RIMS2: variants seen among roughly 807,000 people sequenced by gnomAD.
RIMS2 encodes regulating synaptic membrane exocytosis 2, also known as regulating synaptic membrane exocytosis protein 2.
RIMS2 carries 59 observed loss-of-function variants against 174.4 expected under a neutral mutation model. That is an observed-to-expected ratio of 0.34 (90% CI 0.27 to 0.42). The LOEUF is 0.42. Ranked by LOEUF, RIMS2 falls within the 10% of genes least tolerant of loss-of-function variation. The pLI, the probability that RIMS2 is intolerant of heterozygous loss-of-function variation, is 1.00. For missense variants in RIMS2, 1,620 were observed against 1,666.3 expected (o/e 0.97, Z 0.48); for synonymous variants, 606 against 572.5 (o/e 1.06, Z -0.84).
intron 1 of RIMS2, among the ~76,000 whole-genome samples, chr8:103,681,950 G>A (rs189893051): frequency 5.5e-4 from 84 of 152,112 alleles, no homozygotes; most frequent in African/African-American, 1.8e-3. Context: ...GCACATGTAG[G>A]ATGTAAAATT....
intron 1 of RIMS2, among the ~76,000 whole-genome samples, chr8:103,553,182 A>G (rs947281662): frequency 6.6e-6 from 1 of 152,148 alleles, no homozygotes; most frequent in African/African-American, 2.4e-5. Context: ...AATAGCAAAG[A>G]CTTGGAACCA....
At chr8:103,747,943 C>T (rs1047424210) in intron 2 of RIMS2, among the ~76,000 whole-genome samples, 1 of 152,074 alleles carries the variant, frequency 6.6e-6, no homozygotes, top group South Asian at 2.1e-4. Flanking sequence ...GTAAATCCTC[C>T]TTGGGTGGGC....
intron 2 of RIMS2, among the ~76,000 whole-genome samples, chr8:103,706,250 C>A (rs1240504027): frequency 1.3e-5 from 2 of 152,034 alleles, no homozygotes. Context: ...CACATTTTAT[C>A]TTTTAAATAT....
At position 104,223,809 on chromosome 8, in the gene RIMS2, C is replaced by A. The variant is rs749624729; in HGVS notation, c.3335-21107C>A. ...GAAGAAGGAGGTGAGACACCCCTTCCCCCGTAGTTGGTGTCTCTATCTGTT... is the reference window on the plus strand; with the variant it reads ...GAAGAAGGAGGTGAGACACCCCTTCACCCGTAGTTGGTGTCTCTATCTGTT... On this transcript the variant is annotated intron_variant, in intron 19 of 23. Coordinates refer to ENST00000504942, the Ensembl canonical transcript of RIMS2. 1.2e-5 allele frequency: 19 copies of A among 1,588,508 alleles called. No individual in the cohort carries two copies. In the African/African-American group the frequency reaches 1.6e-4, roughly 13 times the overall value.
At position 103,912,088 on chromosome 8, in the gene RIMS2, T is replaced by C. The variant is rs935492784; in HGVS notation, c.1728T>C (p.Asp576=). 1.6e-5 allele frequency: 25 copies of C among 1,603,580 alleles called. No homozygotes were observed. In the Middle Eastern group the frequency reaches 9.9e-4, roughly 64 times the overall value. Residue 576 remains aspartate, a synonymous_variant, in exon 6 of 24, where the codon GAT becomes GAC. Coordinates refer to ENST00000504942, the Ensembl canonical transcript of RIMS2. ...CCTGGCAACCATCTAAAGATGGAGATCGTTTAATTGGTCGCATTTTATTAA... is the reference window on the plus strand; with the variant it reads ...CCTGGCAACCATCTAAAGATGGAGACCGTTTAATTGGTCGCATTTTATTAA...
At chr8:103,870,565 T>C (rs2099106455) in intron 3 of RIMS2, among the ~76,000 whole-genome samples, 1 of 152,212 alleles carries the variant, frequency 6.6e-6, no homozygotes. Flanking sequence ...GTGTTGTTTA[T>C]TAAATATATT....
chr8:103,687,015 A>G (rs2096949138), intron 1 of RIMS2, among the ~76,000 whole-genome samples: 1 of 152,170 alleles, frequency 6.6e-6, no homozygotes, highest in Non-Finnish European at 1.5e-5. Context: ...GAGACTATGT[A>G]GAATTGGTAT....
At chr8:103,991,741 A>G (rs897390801) in intron 17 of RIMS2, among the ~76,000 whole-genome samples, 1 of 152,118 alleles carries the variant, frequency 6.6e-6, no homozygotes, top group Non-Finnish European at 1.5e-5. Context: ...TATATATTTT[A>G]TTGAATCTTT....
intron 1 of RIMS2, among the ~76,000 whole-genome samples, chr8:103,656,351 A>T (rs1041270871): frequency 2.0e-5 from 3 of 152,174 alleles, no homozygotes; most frequent in African/African-American, 7.2e-5. Context: ...GGCCAGAGAT[A>T]TATTTTTGAG....
chr8:103,557,126 C>T (rs2090633931), intron 1 of RIMS2, among the ~76,000 whole-genome samples: 1 of 152,188 alleles, frequency 6.6e-6, no homozygotes, highest in African/African-American at 2.4e-5. Flanking sequence ...AAGTACTTAA[C>T]ACAGTGTTTA....
intron 1 of RIMS2, among the ~76,000 whole-genome samples, chr8:103,657,351 C>A (rs549563281): frequency 6.6e-6 from 1 of 152,286 alleles, no homozygotes; most frequent in Non-Finnish European, 1.5e-5. Flanking sequence ...CACACTTATT[C>A]TTAATTATGT....
Position 103,719,591 on chromosome 8 carries a change from T to C in RIMS2, c.387+22295T>C, listed in dbSNP as rs182658860. ...TGTTAGTAGTAAATTACTATGAACA[T>C]GTTGGTCTTAGAGATTGAATTTTTC... On this transcript the variant is annotated intron_variant, in intron 2 of 23. Transcript: ENST00000504942. Among the ~76,000 whole-genome samples the C allele has an allele frequency of 2.7e-3, 410 of 152,356 alleles. 8 individuals are homozygous for C. The highest frequency in any genetic ancestry group is 6.0e-4 in the Non-Finnish European group (41 of 68,030).
intron 3 of RIMS2, among the ~76,000 whole-genome samples, chr8:103,773,367 A>T (rs372266800): frequency 2.9e-4 from 44 of 152,260 alleles, no homozygotes; most frequent in Middle Eastern, 3.4e-3. Flanking sequence ...AGCTGTTTAT[A>T]AAAAAATATG....
intron 1 of RIMS2, among the ~76,000 whole-genome samples, chr8:103,557,605 C>A (rs970711349): frequency 6.6e-6 from 1 of 152,106 alleles, no homozygotes; most frequent in Non-Finnish European, 1.5e-5. Context: ...ATCAGATAAA[C>A]CCTTGATAAT....
chr8:104,086,126 G>A (rs904471306), intron 19 of RIMS2, among the ~76,000 whole-genome samples: 1 of 151,940 alleles, frequency 6.6e-6, no homozygotes, highest in Non-Finnish European at 1.5e-5. Flanking sequence ...AACACTCAGG[G>A]ACATAGAGTA....
chr8:103,815,669 C>T (rs1240153730), intron 3 of RIMS2, among the ~76,000 whole-genome samples: 2 of 152,082 alleles, frequency 1.3e-5, no homozygotes, highest in East Asian at 3.9e-4. Flanking sequence ...TCAGCACTAA[C>T]AGATAGAAGG....
chr8:104,168,254 C>T (rs112826518), intron 19 of RIMS2, among the ~76,000 whole-genome samples: 4,567 of 152,046 alleles, frequency 0.03, 207 homozygotes, highest in African/African-American at 0.098. Flanking sequence ...TTGCTTTGGG[C>T]AGTATGGTCA....
chr8:104,216,502 C>A (rs1311720362), intron 19 of RIMS2, among the ~76,000 whole-genome samples: 1 of 152,162 alleles, frequency 6.6e-6, no homozygotes, highest in Non-Finnish European at 1.5e-5. Context: ...TGACATTGGA[C>A]AAATTTATTT....
intron 16 of RIMS2, among the ~76,000 whole-genome samples, chr8:103,978,782 A>C (rs368808703): frequency 2.0e-5 from 3 of 152,228 alleles, no homozygotes; most frequent in East Asian, 3.8e-4. Context: ...GAAATCAATA[A>C]TCAGACCCCC....
Sources: gnomAD v4.1 joint callset for allele counts (sites outside exome capture counted in the v4.1 genomes callset) on GRCh38, gnomAD v4.1.1 for gene constraint, MANE v1.5 for transcripts, NCBI Gene and HGNC (gene_info 2026-07-23, HGNC 2026-07-21) for gene names.